Variants in GALNT13 observed in about 807,000 individuals in gnomAD.
GALNT13 encodes UDP-GalNAc:polypeptide N-acetylgalactosaminyltransferase 13.
GALNT13 carries 28 observed loss-of-function variants against 64.2 expected under a neutral mutation model. That is an observed-to-expected ratio of 0.44 (90% CI 0.32 to 0.60). The LOEUF (loss-of-function observed/expected upper bound fraction) is 0.60. Ranked by LOEUF, GALNT13 falls within the 20% of genes least tolerant of loss-of-function variation. The pLI is 0.05. For synonymous variants in GALNT13, 214 were observed against 224.6 expected (o/e 0.95, Z 0.42); for missense variants, 577 against 669.8 (o/e 0.86, Z 1.53).
At chr2:153,719,646 T>A in the GALNT13 span, among the ~76,000 whole-genome samples, 5 of 152,120 alleles carry the variant, frequency 3.3e-5, no homozygotes, top group Non-Finnish European at 5.9e-5. Context: ...TTGCCTCACC[T>A]GGGAAGTGCA....
the GALNT13 span, among the ~76,000 whole-genome samples, chr2:153,610,172 A>G: frequency 2.6e-5 from 4 of 152,204 alleles, no homozygotes; most frequent in African/African-American, 7.2e-5. Flanking sequence ...GGTTTTTGGC[A>G]TATTATATAA....
At chr2:154,224,461 AC>A (rs1688483332) in intron 4 of GALNT13, among the ~76,000 whole-genome samples, 1 of 152,080 alleles carries the variant, frequency 6.6e-6, no homozygotes, top group Non-Finnish European at 1.5e-5. Context: ...CAAGAAAAAA[AC>A]ATGCTAAAAT....
At chr2:154,312,177 T>C (rs879322691) in intron 9 of GALNT13, among the ~76,000 whole-genome samples, 1 of 145,306 alleles carries the variant, frequency 6.9e-6, no homozygotes, top group Non-Finnish European at 1.5e-5. Flanking sequence ...TGTTTAGAGA[T>C]TGCAGTAAAG....
chr2:153,743,769 G>A, the GALNT13 span, among the ~76,000 whole-genome samples: 1 of 152,010 alleles, frequency 6.6e-6, no homozygotes, highest in East Asian at 1.9e-4. Context: ...GTAAATCTTA[G>A]TCATTCTTTC....
At chr2:153,134,459 A>G in the GALNT13 span, among the ~76,000 whole-genome samples, 19 of 152,166 alleles carry the variant, frequency 1.2e-4, no homozygotes, top group African/African-American at 4.6e-4. Context: ...AGGGCATATG[A>G]AGAGCTGGTA....
At chr2:153,713,849 C>T in the GALNT13 span, among the ~76,000 whole-genome samples, 2 of 152,120 alleles carry the variant, frequency 1.3e-5, no homozygotes, top group Admixed American at 6.5e-5. Context: ...AACTGTCATC[C>T]AGACAACTAT....
At position 153,953,869 on chromosome 2, in the gene GALNT13, G is replaced by A. The variant is rs180680338; in HGVS notation, c.142+9230G>A. The stretch of plus-strand genomic sequence containing the variant: ...TCTGAATTGGGGGAAATCAAAATGA[G>A]TGGAATTGCTGACCAATGACTTCAG... On this transcript the variant is annotated intron_variant, in intron 3 of 12. Coordinates refer to ENST00000392825, the MANE Select transcript of GALNT13 (RefSeq NM_052917.4). Among the ~76,000 whole-genome samples, 3 of 152,228 alleles carry A rather than the reference G, an allele frequency of 2.0e-5. No individual in the cohort carries two copies. In the East Asian group the frequency reaches 5.8e-4, roughly 29 times the overall value.
the GALNT13 span, among the ~76,000 whole-genome samples, chr2:153,585,699 A>G: frequency 6.6e-6 from 1 of 152,238 alleles, no homozygotes; most frequent in South Asian, 2.1e-4. Context: ...TCGGTCATCT[A>G]TAAAGGAAAC....
chr2:153,192,566 G>A, the GALNT13 span, among the ~76,000 whole-genome samples: 2 of 152,216 alleles, frequency 1.3e-5, no homozygotes, highest in East Asian at 3.9e-4. Context: ...TTTCTGTCTA[G>A]ATGATCTGTC....
chr2:154,348,513 G>A (rs942826028), intron 9 of GALNT13, among the ~76,000 whole-genome samples: 5 of 152,070 alleles, frequency 3.3e-5, no homozygotes, highest in African/African-American at 1.2e-4. Context: ...AGGTTTCCTG[G>A]CATGTCCTAG....
At chr2:153,995,041 A>G (rs1031499929) in intron 3 of GALNT13, among the ~76,000 whole-genome samples, 1 of 152,094 alleles carries the variant, frequency 6.6e-6, no homozygotes, top group African/African-American at 2.4e-5. Context: ...TTATTGAGAA[A>G]TATATATCAC....
chr2:153,095,366 G>A, the GALNT13 span, among the ~76,000 whole-genome samples: 21 of 152,030 alleles, frequency 1.4e-4, no homozygotes, highest in South Asian at 2.1e-4. Context: ...TTAGAATGGC[G>A]ATCATTAAAA....
chr2:153,364,973 G>A, the GALNT13 span, among the ~76,000 whole-genome samples: 2 of 152,084 alleles, frequency 1.3e-5, no homozygotes, highest in African/African-American at 4.8e-5. Context: ...GAGGCATCAT[G>A]CTATCTGACT....
chr2:153,577,110 G>A, the GALNT13 span, among the ~76,000 whole-genome samples: 2 of 152,048 alleles, frequency 1.3e-5, no homozygotes, highest in African/African-American at 4.8e-5. Flanking sequence ...AATTGCCGTA[G>A]ACCAAGTTTC....
Position 154,395,995 on chromosome 2 carries a change from T to C in GALNT13, c.1161T>C (p.Val387=), listed in dbSNP as rs527788390. 7.5e-6 allele frequency: 12 copies of C among 1,597,700 alleles called. No homozygotes were observed. The highest frequency in any genetic ancestry group is 1.0e-5 in the Non-Finnish European group (12 of 1,173,788). The change falls in exon 10 of 13, where the codon GTT becomes GTC. Residue 387 remains valine, a synonymous_variant. Coordinates refer to ENST00000392825, the MANE Select transcript of GALNT13 (RefSeq NM_052917.4). ...TGTTTCTCTGAAAAATTCCAGGTGT[T>C]GTCAAAGTGGATTATGGAGATGTGT... ...KDFFYIISPG[V]VKVDYGDVSV...
chr2:153,834,013 T>A, the GALNT13 span, among the ~76,000 whole-genome samples: 2 of 149,126 alleles, frequency 1.3e-5, no homozygotes, highest in East Asian at 3.9e-4. Context: ...TGATAAAAAA[T>A]TAATTTTTTT....
At chr2:153,113,260 G>T in the GALNT13 span, among the ~76,000 whole-genome samples, 1 of 151,960 alleles carries the variant, frequency 6.6e-6, no homozygotes, top group South Asian at 2.1e-4. Flanking sequence ...GAATTCTTCT[G>T]TCCATCTAGG....
the GALNT13 span, among the ~76,000 whole-genome samples, chr2:153,557,456 C>T: frequency 2.0e-5 from 3 of 152,176 alleles, no homozygotes; most frequent in Non-Finnish European, 4.4e-5. Context: ...CTTCCATCCT[C>T]GCCTGTCCCT....
At chr2:153,283,048 A>T in the GALNT13 span, among the ~76,000 whole-genome samples, 8 of 152,164 alleles carry the variant, frequency 5.3e-5, no homozygotes, top group Non-Finnish European at 1.0e-4. Flanking sequence ...CATATACTCC[A>T]TCATTGTTTA....
Sources: gnomAD v4.1 joint callset for allele counts (sites outside exome capture counted in the v4.1 genomes callset) on GRCh38, gnomAD v4.1.1 for gene constraint, MANE v1.5 for transcripts, NCBI Gene and HGNC (gene_info 2026-07-23, HGNC 2026-07-21) for gene names.